The following FHIP2B variants were observed in gnomAD, a reference collection of about 807,000 sequenced individuals.
FHIP2B encodes the protein FHF complex subunit HOOK-interacting protein 2B.
Under a neutral mutation model 84.0 loss-of-function variants are expected in FHIP2B, and 72 were observed. The ratio of observed to expected loss-of-function variants is 0.86; its 90% CI spans 0.71 to 1.04. The LOEUF is 1.04. FHIP2B is among the 50% of genes least tolerant of loss of function. The pLI is 0.00. For synonymous variants in FHIP2B, 497 were observed against 418.7 expected (o/e 1.19, Z -2.28); for missense variants, 972 against 968.9 (o/e 1.00, Z -0.04).
At chr8:22,101,104 C>G (rs1207986997) in intron 12 of FHIP2B, 132 bp downstream of exon 12, 6 of 1,236,278 alleles carry the variant, frequency 4.9e-6, no homozygotes, top group Non-Finnish European at 6.6e-6. Flanking sequence ...CAACCTCCAC[C>G]TCCCGGGTTC....
chr8:22,089,481 T>C (rs1825349746), intron 1 of FHIP2B, among the ~76,000 whole-genome samples, 183 bp downstream of exon 1: 1 of 151,552 alleles, frequency 6.6e-6, no homozygotes, highest in South Asian at 2.1e-4. Flanking sequence ...CCCTCGCTCT[T>C]CCCAGTCCCG....
intron 1 of FHIP2B, chr8:22,089,655 G>GC: frequency 3.0e-6 from 2 of 669,346 alleles, no homozygotes; most frequent in Admixed American, 3.0e-5. Context: ...GCCCTAGGCC[G>GC]CCTCCCCCCA....
At chr8:22,100,802 C>T in intron 11 of FHIP2B, 42 bp from the exon 12 acceptor site, 1 of 1,613,264 alleles carries the variant, frequency 6.2e-7, no homozygotes, top group Non-Finnish European at 8.5e-7. Context: ...CTCACTCTGT[C>T]CATTCATTCA....
At position 22,097,697 on chromosome 8, in the gene FHIP2B, C is replaced by A; in HGVS notation, c.403-20C>A. On this transcript the variant is annotated intron_variant, in intron 4 of 16. Transcript: ENST00000289921. ...CCTGCCACCCCTCTCCCCTCTGTTTCTGTCCTGGTGCTCTTCCAGAAACTC... is the reference window on the plus strand; with the variant it reads ...CCTGCCACCCCTCTCCCCTCTGTTTATGTCCTGGTGCTCTTCCAGAAACTC... 6.2e-7 allele frequency: 1 copy of A among 1,611,988 alleles called. No individual in the cohort carries two copies. The highest frequency in any genetic ancestry group is 8.5e-7 in the Non-Finnish European group (1 of 1,179,246).
Position 22,094,517 on chromosome 8 carries a change from A to G in FHIP2B, c.123A>G (p.Thr41=). ...KGITHYYIES[T]DESTPAKKTD... ...TCACGCACTACTACATCGAGAGCACAGGTGCGGCCTGGCCCTCCCCAGCCC... is the reference window on the plus strand; with the variant it reads ...TCACGCACTACTACATCGAGAGCACGGGTGCGGCCTGGCCCTCCCCAGCCC... Residue 41 remains threonine, a splice_region_variant and synonymous_variant, in exon 2 of 17, where the codon ACA becomes ACG. Coordinates refer to ENST00000289921, the MANE Select transcript of FHIP2B (RefSeq NM_022749.7). 9.9e-6 allele frequency: 16 copies of G among 1,610,408 alleles called. No homozygotes were observed. Among genetic ancestry groups the G allele is most frequent in the Non-Finnish European group, 1.3e-5 (15 of 1,178,538 alleles).
rs541921971 is a variant in FHIP2B, at chr8:22,094,725, A to T, written c.124+207A>T. On this transcript the variant is annotated intron_variant, in intron 2 of 16. Coordinates refer to ENST00000289921, the MANE Select transcript of FHIP2B (RefSeq NM_022749.7). ...TCCTGATGATTTAGCTGCCGGTCCCACTCTGACCTTTTGGAAAGAGGCTGT... is the reference window on the plus strand; with the variant it reads ...TCCTGATGATTTAGCTGCCGGTCCCTCTCTGACCTTTTGGAAAGAGGCTGT... 3.7e-4 allele frequency: 514 copies of T among 1,370,688 alleles called. 1 individual carries two copies. The highest frequency in any genetic ancestry group is 2.4e-3 in the Middle Eastern group (13 of 5,308). The allele number at this position is 1,370,688 out of a possible 1,614,324, so 84.9% of individuals were successfully genotyped here. A position where few individuals can be genotyped will look rare whatever the true frequency, so the allele number is the denominator to read the frequency against.
intron 1 of FHIP2B, among the ~76,000 whole-genome samples, chr8:22,092,841 CT>C (rs1825566403): frequency 6.6e-6 from 1 of 152,128 alleles, no homozygotes; most frequent in South Asian, 2.1e-4. Context: ...GAAGTTACCC[CT>C]GTTTTTCTGA....
chr8:22,101,037 A>G, intron 12 of FHIP2B, 65 bp downstream of exon 12: 1 of 1,528,028 alleles, frequency 6.5e-7, no homozygotes, highest in Non-Finnish European at 8.8e-7. Context: ...ATTTTTTGAG[A>G]TAGAGTCTCG....
chr8:22,100,915 G>A lies in FHIP2B; in HGVS notation c.1559G>A (p.Arg520His), dbSNP rs547583857. 6.2e-6 allele frequency: 10 copies of A among 1,613,874 alleles called. No homozygotes were observed. Among genetic ancestry groups the A allele is most frequent in the South Asian group, 1.1e-5 (1 of 91,084 alleles). ...GGCTTTCAAACTCCCGCAAAGCCTC[G>A]CCTAGCTCCTGCTACCAGTTACGAT... ...DSGFQTPAKPRLAPATSYDGK... is the reference protein window; with the variant it reads ...DSGFQTPAKPHLAPATSYDGK... Residue 520 changes from arginine (R) to histidine (H), a missense_variant, in exon 12 of 17, where the codon CGC (arginine) becomes CAC (histidine). Coordinates refer to ENST00000289921, the MANE Select transcript of FHIP2B (RefSeq NM_022749.7).
chr8:22,094,365 ATATCTGTTCCC>A, intron 1 of FHIP2B, 64 bp from the exon 2 acceptor site: 1 of 1,446,864 alleles, frequency 6.9e-7, no homozygotes, highest in South Asian at 1.4e-5. Context: ...GACACTCAGA[ATATCTGTTCCC>A]ATGCGGGCAG....
chr8:22,103,126 A>G lies in FHIP2B; in HGVS notation c.*195A>G, dbSNP rs1000980278. 2 of 717,406 alleles carry G rather than the reference A, an allele frequency of 2.8e-6. No individual in the cohort carries two copies. The highest frequency in any genetic ancestry group is 1.9e-5 in the South Asian group (1 of 51,308). The allele number at this position is 717,406 out of a possible 1,614,324, so 44.4% of individuals were successfully genotyped here. A position where few individuals can be genotyped will look rare whatever the true frequency, so the allele number is the denominator to read the frequency against. On this transcript the variant is annotated 3_prime_UTR_variant, in exon 17 of 17. Coordinates refer to ENST00000289921, the MANE Select transcript of FHIP2B (RefSeq NM_022749.7). ...TGCCAGGTGCCAAGGAGCCAAACAG[A>G]TGGCTTTCCAGGCAGCAAGGTCCTT...
Position 22,104,867 on chromosome 8 carries a change from C to T in FHIP2B, c.*1936C>T, listed in dbSNP as rs1257052120. 6.9e-6 allele frequency: 1 copy of T among 145,640 alleles called. No individual in the cohort carries two copies. The highest frequency in any genetic ancestry group is 1.5e-5 in the Non-Finnish European group (1 of 66,766). 9.0% of individuals were successfully genotyped at this position (145,640 alleles called of 1,614,324 possible). On this transcript the variant is annotated 3_prime_UTR_variant, in exon 17 of 17. Transcript: ENST00000289921. ...AAAAAAAATTTCACAGGTGTGTTCTCAGGGAAAAAGAAAAGTTAACACATA... is the reference window on the plus strand; with the variant it reads ...AAAAAAAATTTCACAGGTGTGTTCTTAGGGAAAAAGAAAAGTTAACACATA...
rs1430654157 is a variant in FHIP2B, at chr8:22,100,840, A to G, written c.1488-4A>G. Reference sequence around the variant, plus strand: ...GGTGCCGTACTGCTCTGCCCTGGCCACAGAGACCTGGAGGAAGACCCCTAC... The same window carrying G: ...GGTGCCGTACTGCTCTGCCCTGGCCGCAGAGACCTGGAGGAAGACCCCTAC... On this transcript the variant is annotated splice_polypyrimidine_tract_variant and splice_region_variant and intron_variant, in intron 11 of 16. Transcript: ENST00000289921. 6.2e-7 allele frequency: 1 copy of G among 1,613,810 alleles called. No homozygotes were observed. The highest frequency in any genetic ancestry group is 1.7e-5 in the Admixed American group (1 of 60,014).
At chr8:22,099,170 C>T in intron 8 of FHIP2B, 114 bp downstream of exon 8, 1 of 1,507,050 alleles carries the variant, frequency 6.6e-7, no homozygotes, top group Non-Finnish European at 9.0e-7. Flanking sequence ...CTAAGCGGGG[C>T]CCCAGGCGGG....
At chr8:22,092,556 G>A (rs1210975449) in intron 1 of FHIP2B, among the ~76,000 whole-genome samples, 13 of 131,776 alleles carry the variant, frequency 9.9e-5, no homozygotes, top group Non-Finnish European at 2.0e-4. Context: ...CCTCAGTGAC[G>A]GTGAGACTCT....
Position 22,098,283 on chromosome 8 carries a change from C to A in FHIP2B, c.741C>A (p.Thr247=). The change falls in exon 6 of 17, where the codon ACC becomes ACA. Residue 247 remains threonine (T), a synonymous_variant. Transcript: ENST00000289921. ...DGGTTESNLI[T]SLLGLCQSKK... ...GGACCACAGAGAGCAACCTGATTACCTCCCTGCTTGGGCTGTGCCAGAGCA... is the reference window on the plus strand; with the variant it reads ...GGACCACAGAGAGCAACCTGATTACATCCCTGCTTGGGCTGTGCCAGAGCA... 1 of 1,577,954 alleles carries A rather than the reference C, an allele frequency of 6.3e-7. No homozygotes were observed. Among genetic ancestry groups the A allele is most frequent in the South Asian group, 1.2e-5 (1 of 86,392 alleles).
intron 3 of FHIP2B, 158 bp downstream of exon 3, chr8:22,096,667 C>G: frequency 2.0e-6 from 2 of 1,002,798 alleles, no homozygotes; most frequent in Admixed American, 3.4e-5. Context: ...AGTGGGCAGC[C>G]TGGGGCTCCC....
intron 1 of FHIP2B, among the ~76,000 whole-genome samples, chr8:22,093,231 G>A (rs1825586024): frequency 1.3e-5 from 2 of 152,298 alleles, no homozygotes; most frequent in African/African-American, 2.4e-5. Context: ...AAGACCTAGA[G>A]GCAGAAATGC....
At position 22,100,937 on chromosome 8, in the gene FHIP2B, C is replaced by T. The variant is rs374355615; in HGVS notation, c.1581C>T (p.Tyr527=). Residue 527 remains tyrosine, a synonymous_variant, in exon 12 of 17, where the codon TAC becomes TAT. Coordinates refer to ENST00000289921, the MANE Select transcript of FHIP2B (RefSeq NM_022749.7). ...CTCGCCTAGCTCCTGCTACCAGTTA[C>T]GATGGCAAAACAGCAGTGACCGAGA... The part of the protein sequence containing the change: ...AKPRLAPATS[Y]DGKTAVTEIV... 21 of 1,613,800 alleles carry T rather than the reference C, an allele frequency of 1.3e-5. No individual in the cohort carries two copies. The African/African-American group carries it at 1.6e-4, about 12-fold the overall frequency.
Sources: allele counts gnomAD v4.1 joint callset (sites outside exome capture counted in the v4.1 genomes callset), GRCh38; gene constraint gnomAD v4.1.1; transcripts MANE v1.5; gene names NCBI Gene and HGNC (gene_info 2026-07-23, HGNC 2026-07-21).